KCNK2: variants seen among roughly 807,000 people sequenced by gnomAD.
KCNK2 encodes potassium channel subfamily K member 2.
Under a neutral mutation model 40.5 loss-of-function variants are expected in KCNK2, and 21 were observed. The observed-to-expected ratio is 0.52, with a 90% CI of 0.37 to 0.75. The LOEUF is 0.75. Ranked by LOEUF, KCNK2 falls within the 30% of genes least tolerant of loss-of-function variation. The pLI is 0.00. For missense variants in KCNK2, 399 were observed against 531.6 expected (o/e 0.75, Z 2.45); for synonymous variants, 191 against 202.2 (o/e 0.94, Z 0.47).
rs1332589456 is a variant in KCNK2 at position 215,143,206 on chromosome 1, T to C, written c.475+18456T>C. Among the ~76,000 whole-genome samples, 5 of 152,250 alleles carry C rather than the reference T, an allele frequency of 3.3e-5. No individual in the cohort carries two copies. In the East Asian group the frequency reaches 9.6e-4, roughly 29 times the overall value. ...AATAGATCTATTTGTGCATGTGCTATGCGTGTGTGTGTCTGTGTAAGTGTA... is the reference window on the plus strand; with the variant it reads ...AATAGATCTATTTGTGCATGTGCTACGCGTGTGTGTGTCTGTGTAAGTGTA... On this transcript the variant is annotated intron_variant, in intron 3 of 6. Transcript: ENST00000444842.
At chr1:215,135,614 C>T (rs115398190) in intron 3 of KCNK2, among the ~76,000 whole-genome samples, 1,608 of 151,920 alleles carry the variant, frequency 0.011, 10 homozygotes, top group Non-Finnish European at 0.016. Context: ...TTTGAATGTA[C>T]AAAATTCAGT....
intron 6 of KCNK2, among the ~76,000 whole-genome samples, chr1:215,196,323 G>T (rs1476729376): frequency 6.6e-6 from 1 of 151,974 alleles, no homozygotes. Context: ...TGACCTTCAA[G>T]TGATCTGCCC....
chr1:215,148,992 A>C (rs370178111), intron 3 of KCNK2, among the ~76,000 whole-genome samples: 10 of 152,192 alleles, frequency 6.6e-5, no homozygotes, highest in Non-Finnish European at 1.3e-4. Flanking sequence ...GAGCAATGGT[A>C]CACCGGGGAG....
At chr1:215,125,989 G>A (rs971587174) in intron 3 of KCNK2, among the ~76,000 whole-genome samples, 5 of 151,814 alleles carry the variant, frequency 3.3e-5, no homozygotes, top group South Asian at 2.1e-4. Flanking sequence ...ACATACCTTT[G>A]TGAAGAGATT....
At chr1:215,206,107 C>T (rs1476653263) in intron 6 of KCNK2, among the ~76,000 whole-genome samples, 1 of 152,170 alleles carries the variant, frequency 6.6e-6, no homozygotes, top group East Asian at 1.9e-4. Flanking sequence ...AGACCAGATC[C>T]TGTAAAAAGG....
intron 6 of KCNK2, among the ~76,000 whole-genome samples, chr1:215,204,562 T>G (rs942350937): frequency 4.6e-5 from 7 of 152,148 alleles, no homozygotes; most frequent in Non-Finnish European, 2.9e-5. Context: ...AGAATTTGTG[T>G]TAGGAAAAGT....
chr1:215,065,947 A>AT (rs1658522443), intron 1 of KCNK2, among the ~76,000 whole-genome samples: 1 of 152,160 alleles, frequency 6.6e-6, no homozygotes, highest in Non-Finnish European at 1.5e-5. Flanking sequence ...CCTGGGCAAC[A>AT]TGGTAAGACT....
At position 215,066,906 on chromosome 1, in the gene KCNK2, G is replaced by A. The variant is rs567656987; in HGVS notation, c.35-19462G>A. ...CATACATTTTCAATAAAAAAATAAA[G>A]TTGAAAAAATTCATATGATATAATT... On this transcript the variant is annotated intron_variant, in intron 1 of 6. Transcript: ENST00000391895. 2.0e-5 allele frequency among the ~76,000 whole-genome samples: 3 copies of A among 152,238 alleles called. No homozygotes were observed. In the South Asian group the frequency reaches 6.2e-4, roughly 32 times the overall value.
intron 3 of KCNK2, among the ~76,000 whole-genome samples, chr1:215,134,238 G>A (rs1661801054): frequency 6.6e-6 from 1 of 152,076 alleles, no homozygotes; most frequent in African/African-American, 2.4e-5. Flanking sequence ...ATTCAATTCT[G>A]ACACTGTCTA....
chr1:215,035,887 T>C (rs1657366442), intron 1 of KCNK2, among the ~76,000 whole-genome samples: 1 of 151,764 alleles, frequency 6.6e-6, no homozygotes, highest in African/African-American at 2.4e-5. Context: ...CTCTGCATCT[T>C]ATCAGCATTT....
chr1:215,152,422 A>T (rs1220507378), intron 3 of KCNK2, among the ~76,000 whole-genome samples: 2 of 152,122 alleles, frequency 1.3e-5, no homozygotes, highest in Admixed American at 6.6e-5. Context: ...ATACTGTCCC[A>T]GCTATTTAAG....
At chr1:215,230,238 A>G (rs993463494) in intron 6 of KCNK2, among the ~76,000 whole-genome samples, 1 of 150,446 alleles carries the variant, frequency 6.6e-6, no homozygotes, top group African/African-American at 2.4e-5. Flanking sequence ...CCTACATGGT[A>G]TAGCCTACTA....
At chr1:215,203,291 T>A (rs1347075777) in intron 6 of KCNK2, among the ~76,000 whole-genome samples, 1 of 152,218 alleles carries the variant, frequency 6.6e-6, no homozygotes, top group Non-Finnish European at 1.5e-5. Context: ...TTTAATTCTA[T>A]CTCAACTATT....
At chr1:215,044,826 T>TGTGTGTGC (rs142895602) in intron 1 of KCNK2, among the ~76,000 whole-genome samples, 92 of 140,660 alleles carry the variant, frequency 6.5e-4, no homozygotes, top group African/African-American at 1.2e-3. Flanking sequence ...TGTGTGTGTG[T>TGTGTGTGC]GCGCGCGCAC....
chr1:215,194,993 C>T lies in KCNK2; in HGVS notation c.864C>T (p.Val288=), dbSNP rs565618538. ...DIEYLDFYKP[V]VWFWILVGLA... ...AATATCTGGACTTCTATAAGCCTGT[C>T]GTGTGGTTCTGGATCCTTGTAGGGC... The change falls in exon 6 of 7, where the codon GTC becomes GTT. Residue 288 remains valine (V), a synonymous_variant. Coordinates refer to ENST00000444842, the MANE Select transcript of KCNK2 (RefSeq NM_001017425.3). The T allele has an allele frequency of 1.1e-5, 18 of 1,613,280 alleles. No individual in the cohort carries two copies. Among genetic ancestry groups the T allele is most frequent in the Admixed American group, 8.3e-5 (5 of 59,970 alleles).
chr1:215,209,231 AAT>A (rs1558139647), intron 6 of KCNK2, among the ~76,000 whole-genome samples: 4 of 128,276 alleles, frequency 3.1e-5, no homozygotes, highest in East Asian at 4.2e-4. Flanking sequence ...TTATATATAA[AAT>A]ATATATAAAT....
intron 1 of KCNK2, among the ~76,000 whole-genome samples, chr1:215,068,332 TATATGAAGA>T (rs1658631121): frequency 6.6e-6 from 1 of 152,144 alleles, no homozygotes; most frequent in African/African-American, 2.4e-5. Context: ...GCAGGTACAG[TATATGAAGA>T]ATATAATGCC....
At position 215,040,801 on chromosome 1, in the gene KCNK2, C is replaced by A. The variant is rs76255053; in HGVS notation, c.34+34846C>A. Among the ~76,000 whole-genome samples the A allele has an allele frequency of 4.9e-4, 75 of 152,242 alleles. No homozygotes were observed. The East Asian group carries it at 0.013, about 26-fold the overall frequency. On this transcript the variant is annotated intron_variant, in intron 1 of 6. Coordinates refer to the KCNK2 transcript ENST00000391895. The stretch of plus-strand genomic sequence containing the variant: ...CAGCAGCATTAAAATATTCAACAGA[C>A]ATGTCAAATTCTGAAGACTGAGATT...
At chr1:215,099,342 T>C (rs1660114044) in intron 2 of KCNK2, among the ~76,000 whole-genome samples, 1 of 151,946 alleles carries the variant, frequency 6.6e-6, no homozygotes, top group African/African-American at 2.4e-5. Flanking sequence ...AAGGACACGA[T>C]CTCATTCTTT....
Sources: allele counts gnomAD v4.1 joint callset (sites outside exome capture counted in the v4.1 genomes callset), GRCh38; gene constraint gnomAD v4.1.1; transcripts MANE v1.5; gene names NCBI Gene and HGNC (gene_info 2026-07-23, HGNC 2026-07-21).